Variants in AVPI1 observed in about 807,000 individuals in gnomAD.
AVPI1 encodes the protein arginine vasopressin induced 1.
AVPI1 carries 9 observed loss-of-function variants against 11.9 expected under a neutral mutation model. The observed-to-expected ratio is 0.76, with a 90% confidence interval of 0.46 to 1.32. The LOEUF (loss-of-function observed/expected upper bound fraction) is 1.32. Among genes scored for constraint, AVPI1 ranks in the 40% most tolerant of loss-of-function variants. The probability of loss-of-function intolerance (pLI) is 0.00; values close to 1 mark genes in which losing one functional copy is unlikely to be tolerated. For synonymous variants in AVPI1, 68 were observed against 78.1 expected (o/e 0.87, Z 0.68); for missense variants, 207 against 195.8 (o/e 1.06, Z -0.34).
chr10:97,684,914 C>A (rs1362596929), intron 1 of AVPI1, among the ~76,000 whole-genome samples: 7 of 152,274 alleles, frequency 4.6e-5, no homozygotes, highest in Non-Finnish European at 7.4e-5. Flanking sequence ...TTGGGAAAAC[C>A]GATGAAATGT....
At chr10:97,678,957 G>GACAGGA (rs1564779942) in intron 2 of AVPI1, among the ~76,000 whole-genome samples, 1,202 of 48,362 alleles carry the variant, frequency 0.025, 164 homozygotes, top group Middle Eastern at 0.071. Flanking sequence ...GTGTGTGTGT[G>GACAGGA]TGTGTGTGTG....
chr10:97,682,608 C>G (rs12262510), intron 1 of AVPI1, among the ~76,000 whole-genome samples: 4,928 of 152,080 alleles, frequency 0.032, 205 homozygotes, highest in East Asian at 0.15. Context: ...ATGACTCCCC[C>G]CCTTGCCCTG....
chr10:97,682,903 C>T (rs1036017446), intron 1 of AVPI1, among the ~76,000 whole-genome samples: 1 of 152,202 alleles, frequency 6.6e-6, no homozygotes, highest in Non-Finnish European at 1.5e-5. Context: ...AGCTGGATGA[C>T]ATAAACACAC....
At chr10:97,686,443 C>T (rs1319987131) in intron 1 of AVPI1, among the ~76,000 whole-genome samples, 2 of 151,552 alleles carry the variant, frequency 1.3e-5, no homozygotes, top group Non-Finnish European at 3.0e-5. Context: ...TTCCTCCTCA[C>T]TTAAGGTGGC....
At chr10:97,685,405 C>T (rs1416399103) in intron 1 of AVPI1, among the ~76,000 whole-genome samples, 1 of 152,186 alleles carries the variant, frequency 6.6e-6, no homozygotes, top group Non-Finnish European at 1.5e-5. Flanking sequence ...AAGTTCAGTT[C>T]AGACAGCTAT....
intron 1 of AVPI1, among the ~76,000 whole-genome samples, chr10:97,683,403 C>T (rs888521396): frequency 6.6e-6 from 1 of 152,244 alleles, no homozygotes; most frequent in African/African-American, 2.4e-5. Flanking sequence ...AGGTGATCCA[C>T]CCGCCTTGGC....
At chr10:97,683,479 C>T (rs543596628) in intron 1 of AVPI1, among the ~76,000 whole-genome samples, 1 of 152,330 alleles carries the variant, frequency 6.6e-6, no homozygotes, top group South Asian at 2.1e-4. Flanking sequence ...TTTAAACCCC[C>T]GAGCTGGCTT....
intron 1 of AVPI1, among the ~76,000 whole-genome samples, chr10:97,680,544 C>T (rs974993593): frequency 2.6e-5 from 4 of 152,334 alleles, no homozygotes; most frequent in African/African-American, 2.4e-5. Flanking sequence ...TGGAATCCCA[C>T]TTCTACCCCC....
chr10:97,678,924 TGTGTGTGTGTGTGTGTGTGTGTG>T (rs2041683950), intron 2 of AVPI1, among the ~76,000 whole-genome samples: 8 of 17,568 alleles, frequency 4.6e-4, no homozygotes, highest in African/African-American at 1.5e-3. Flanking sequence ...TGTGTGTGTG[TGTGTGTGTGTGTGTGTGTGTGTG>T]TGTGTGTGTG....
chr10:97,679,854 T>A lies in AVPI1; in HGVS notation c.52A>T (p.Ile18Phe). 3 of 1,602,840 alleles carry A rather than the reference T, an allele frequency of 1.9e-6. No individual in the cohort carries two copies. Among genetic ancestry groups the A allele is most frequent in the Non-Finnish European group, 2.5e-6 (3 of 1,176,480 alleles). The change falls in exon 2 of 3, where the codon ATT (isoleucine) becomes TTT (phenylalanine). Residue 18 changes from isoleucine (I) to phenylalanine (F), a missense_variant. Physicochemically the swap from Ile to Phe is conservative, Grantham distance 21. Coordinates refer to ENST00000370626, the MANE Select transcript of AVPI1 (RefSeq NM_021732.3). ...VSEPPPWQAP[I>F]EARGRKQASA... ...GCCTGCTTGCGGCCCCGGGCCTCAA[T>A]CGGGGCCTGCCAAGGGGGTGGCTCA...
In AVPI1 at chr10:97,677,988, T is replaced by A. The variant is rs1477913355; in HGVS notation, c.325A>T (p.Ser109Cys). 2 of 1,614,228 alleles carry A rather than the reference T, an allele frequency of 1.2e-6. No individual in the cohort carries two copies. Among genetic ancestry groups the A allele is most frequent in the Non-Finnish European group, 1.7e-6 (2 of 1,180,034 alleles). ...TCACTGGAGGCTGTCTCTGTGGCAC[T>A]CTGTGGGTTGGCCAGTGCAGAGTGG... ...EPHSALANPQ[S>C]ATETASSEQY... Residue 109 changes from serine (S) to cysteine (C), a missense_variant, in exon 3 of 3, where the codon AGT (serine) becomes TGT (cysteine). Coordinates refer to ENST00000370626, the MANE Select transcript of AVPI1 (RefSeq NM_021732.3).
intron 1 of AVPI1, among the ~76,000 whole-genome samples, chr10:97,681,834 C>T (rs148706658): frequency 0.026 from 3,764 of 146,632 alleles, 161 homozygotes; most frequent in East Asian, 0.15. Context: ...GCCGAGATTG[C>T]GCCACTGCAG....
intron 1 of AVPI1, among the ~76,000 whole-genome samples, chr10:97,684,513 T>TTG (rs1486193311): frequency 6.7e-6 from 1 of 150,046 alleles, no homozygotes; most frequent in East Asian, 1.9e-4. Context: ...TTTTTTTTTT[T>TTG]TTGAGGCGGA....
At chr10:97,678,941 G>GACAGGA (rs2041684690) in intron 2 of AVPI1, among the ~76,000 whole-genome samples, 2 of 46,030 alleles carry the variant, frequency 4.3e-5, no homozygotes, top group African/African-American at 1.8e-4. Context: ...GTGTGTGTGT[G>GACAGGA]TGTGTGTGTG....
intron 2 of AVPI1, 90 bp from the exon 3 acceptor site, chr10:97,678,115 A>C (rs1564779501): frequency 7.0e-7 from 1 of 1,420,410 alleles, no homozygotes; most frequent in Non-Finnish European, 9.6e-7. Flanking sequence ...ACCATAAAAC[A>C]TATGATTTGG....
rs183352794 is a variant in AVPI1 at position 97,685,164 on chromosome 10, G to A, written c.-11+1602C>T. On this transcript the variant is annotated intron_variant, in intron 1 of 2. Coordinates refer to ENST00000370626, the MANE Select transcript of AVPI1 (RefSeq NM_021732.3). ...GGTAAGTATGGGTCTGTGTACAAAC[G>A]AGTAAAGACCAATTGCAAAATACTT... Among the ~76,000 whole-genome samples the A allele has an allele frequency of 2.6e-5, 4 of 152,254 alleles. No homozygotes were observed. In the East Asian group the frequency reaches 7.7e-4, roughly 29 times the overall value.
intron 1 of AVPI1, among the ~76,000 whole-genome samples, chr10:97,685,763 C>T (rs79595592): frequency 0.021 from 3,268 of 152,212 alleles, 51 homozygotes; most frequent in South Asian, 0.049. Context: ...GGAGGTATGC[C>T]GAGACAACTG....
In AVPI1 at chr10:97,679,712, T is replaced by C; in HGVS notation, c.194A>G (p.His65Arg). 2 of 1,614,140 alleles carry C rather than the reference T, an allele frequency of 1.2e-6. No homozygotes were observed. Residue 65 changes from histidine to arginine, a missense_variant, in exon 2 of 3, where the codon CAC becomes CGC. By Grantham distance (29) the His-to-Arg change is conservative. Transcript: ENST00000370626. ...AQIIWECAGD[H>R]RVAEALKRLR... ...CCTCTTGAGGGCCTCAGCCACACGG[T>C]GGTCCCCTGCACATTCCCAGATGAT...
intron 1 of AVPI1, among the ~76,000 whole-genome samples, chr10:97,681,894 G>GAAAAAAAAAAAAA (rs555725587): frequency 9.4e-6 from 1 of 106,254 alleles, no homozygotes; most frequent in Admixed American, 1.1e-4. Flanking sequence ...CAAAAAAAAA[G>GAAAAAAAAAAAAA]AAAAAAAAAA....
Sources: gnomAD v4.1 joint callset for allele counts (sites outside exome capture counted in the v4.1 genomes callset) on GRCh38, gnomAD v4.1.1 for gene constraint, MANE v1.5 for transcripts, NCBI Gene and HGNC (gene_info 2026-07-23, HGNC 2026-07-21) for gene names.